The following LRRFIP2 variants were observed in gnomAD, a reference collection of about 807,000 sequenced individuals.
LRRFIP2 encodes LRR binding FLII interacting protein 2, also known as leucine-rich repeat flightless-interacting protein 2.
LRRFIP2 carries 109 observed loss-of-function variants against 125.9 expected under a neutral mutation model. The observed-to-expected ratio is 0.87, with a 90% confidence interval of 0.74 to 1.01. The LOEUF (loss-of-function observed/expected upper bound fraction) is 1.01, where lower values mean the gene tolerates loss of function less well. LRRFIP2 is among the 50% of genes least tolerant of loss of function. The pLI is 0.00. For missense variants in LRRFIP2, 850 were observed against 862.3 expected, an observed-to-expected ratio of 0.99 and a Z score of 0.18; for synonymous variants, 291 against 293.1, an observed-to-expected ratio of 0.99 and a Z score of 0.07.
intron 15 of LRRFIP2, among the ~76,000 whole-genome samples, chr3:37,100,091 GA>G (rs2093939495): frequency 6.6e-6 from 1 of 152,102 alleles, no homozygotes; most frequent in Admixed American, 6.5e-5. Context: ...TACTACTAGA[GA>G]AAGTTATTTG....
At chr3:37,092,004 A>G (rs1559800078) in intron 17 of LRRFIP2, among the ~76,000 whole-genome samples, 1 of 152,254 alleles carries the variant, frequency 6.6e-6, no homozygotes, top group Non-Finnish European at 1.5e-5. Context: ...TAATAAATGA[A>G]TATGAACAAA....
intron 2 of LRRFIP2, among the ~76,000 whole-genome samples, chr3:37,137,557 C>T (rs1297257726): frequency 6.6e-6 from 1 of 152,132 alleles, no homozygotes; most frequent in African/African-American, 2.4e-5. Flanking sequence ...TTCTAGTTCT[C>T]TGAATAGAGA....
intron 24 of LRRFIP2, among the ~76,000 whole-genome samples, chr3:37,063,274 G>C (rs2089270090): frequency 6.6e-6 from 1 of 152,184 alleles, no homozygotes; most frequent in East Asian, 1.9e-4. Context: ...TTATTAGGAG[G>C]ATATAAGAGT....
chr3:37,068,388 C>T (rs2090540644), intron 21 of LRRFIP2: 1 of 152,184 alleles, frequency 6.6e-6, no homozygotes, highest in Admixed American at 6.5e-5. Flanking sequence ...ATGACATTTG[C>T]TCTTCTTCCA....
chr3:37,159,249 C>T (rs369159736), intron 1 of LRRFIP2, among the ~76,000 whole-genome samples: 2 of 152,192 alleles, frequency 1.3e-5, no homozygotes, highest in East Asian at 3.8e-4. Context: ...ACCATTGTTT[C>T]TCCCACTGAA....
chr3:37,158,716 AAAGT>A (rs2096262606), intron 1 of LRRFIP2, among the ~76,000 whole-genome samples: 1 of 152,148 alleles, frequency 6.6e-6, no homozygotes, highest in Non-Finnish European at 1.5e-5. Flanking sequence ...GATGAAACAA[AAAGT>A]AAGGGAAATG....
intron 1 of LRRFIP2, among the ~76,000 whole-genome samples, chr3:37,163,922 A>T (rs2096410448): frequency 6.6e-6 from 1 of 152,240 alleles, no homozygotes; most frequent in African/African-American, 2.4e-5. Context: ...TTCTTGACCT[A>T]GGTAGTGAGA....
chr3:37,122,131 T>C (rs1270255402), intron 4 of LRRFIP2, among the ~76,000 whole-genome samples: 19 of 139,194 alleles, frequency 1.4e-4, no homozygotes, highest in Admixed American at 1.0e-3. Flanking sequence ...AGTGTTCTCA[T>C]TGTTCAATTC....
intron 3 of LRRFIP2, among the ~76,000 whole-genome samples, chr3:37,128,680 T>C (rs2095350013): frequency 6.6e-6 from 1 of 152,192 alleles, no homozygotes; most frequent in African/African-American, 2.4e-5. Context: ...TTATTAAATA[T>C]GTTTTAAAAT....
At position 37,121,661 on chromosome 3, in the gene LRRFIP2, G is replaced by C; in HGVS notation, c.259C>G (p.Arg87Gly). ...AGATAAGGACGATGGTGACTGGACCGGTGGGAATACCTGGCCCTTTCCGAA... is the reference window on the plus strand; with the variant it reads ...AGATAAGGACGATGGTGACTGGACCCGTGGGAATACCTGGCCCTTTCCGAA... Reference protein sequence around the residue: ...EDSERARYSHRSSHHRPYLGV... With the variant: ...EDSERARYSHGSSHHRPYLGV... Residue 87 changes from arginine (R) to glycine (G), a missense_variant, in exon 5 of 28, where the codon CGG (arginine) becomes GGG (glycine). By Grantham distance (125) the Arg-to-Gly change is moderately radical. Transcript: ENST00000336686. 6.2e-7 allele frequency: 1 copy of C among 1,614,140 alleles called. No individual in the cohort carries two copies. Among genetic ancestry groups the C allele is most frequent in the Non-Finnish European group, 8.5e-7 (1 of 1,180,012 alleles).
intron 1 of LRRFIP2, chr3:37,170,617 T>C (rs1187716782): frequency 6.6e-6 from 1 of 152,222 alleles, no homozygotes; most frequent in Non-Finnish European, 1.5e-5. Flanking sequence ...GTCTCTGAAT[T>C]GGACTGCTAT....
intron 25 of LRRFIP2, among the ~76,000 whole-genome samples, chr3:37,058,253 T>A (rs1327533308): frequency 6.6e-6 from 1 of 152,182 alleles, no homozygotes; most frequent in East Asian, 1.9e-4. Context: ...GTAAGAGCAA[T>A]AAACCTCATT....
chr3:37,066,070 G>T, intron 22 of LRRFIP2, 128 bp from the exon 23 acceptor site: 1 of 1,367,028 alleles, frequency 7.3e-7, no homozygotes, highest in South Asian at 1.2e-5. Flanking sequence ...ATGAAATATA[G>T]CTCTGTGTAA....
In LRRFIP2 at chr3:37,166,065, C is replaced by T. The variant is rs564807271; in HGVS notation, c.-56+8474G>A. The stretch of plus-strand genomic sequence containing the variant: ...AAAATTAAAAACTCTGGGCAGGGCG[C>T]GGTGGCTCACATCTGGAATCCCAGC... On this transcript the variant is annotated intron_variant, in intron 1 of 27. Coordinates refer to ENST00000336686, the MANE Select transcript of LRRFIP2 (RefSeq NM_006309.4). Among the ~76,000 whole-genome samples, 192 of 152,166 alleles carry T rather than the reference C, an allele frequency of 1.3e-3. 1 individual carries two copies. Among genetic ancestry groups the T allele is most frequent in the Middle Eastern group, 6.8e-3 (2 of 294 alleles).
At chr3:37,152,752 A>T (rs974671675) in intron 1 of LRRFIP2, among the ~76,000 whole-genome samples, 21 of 152,090 alleles carry the variant, frequency 1.4e-4, no homozygotes, top group African/African-American at 4.3e-4. Context: ...TGAAATTTTT[A>T]AAAAAATGGT....
chr3:37,080,951 T>G (rs768727062), intron 19 of LRRFIP2, among the ~76,000 whole-genome samples: 1 of 152,206 alleles, frequency 6.6e-6, no homozygotes, highest in Non-Finnish European at 1.5e-5. Flanking sequence ...TTATTGTTAA[T>G]TTTACAGGTG....
At chr3:37,119,747 G>A (rs1349645741) in intron 6 of LRRFIP2, among the ~76,000 whole-genome samples, 2 of 151,980 alleles carry the variant, frequency 1.3e-5, no homozygotes, top group East Asian at 3.9e-4. Context: ...TGCAACCTCC[G>A]CCCACGGATC....
In LRRFIP2 at chr3:37,055,149, T is replaced by A. The variant is rs1418259122; in HGVS notation, c.1887A>T (p.Gln629His). Residue 629 changes from glutamine to histidine, a missense_variant, in exon 26 of 28, where the codon CAA (glutamine) becomes CAT (histidine). Physicochemically the swap from Gln to His is conservative, Grantham distance 24. Coordinates refer to ENST00000336686, the MANE Select transcript of LRRFIP2 (RefSeq NM_006309.4). ...AAAGCTTAAATTTGTATTCGCTAAT[T>A]TGTCTATTGGCATCTCCTAGAACAG... ...FIEMQRDANR[Q>H]ISEYKFKLSK... The A allele has an allele frequency of 2.5e-6, 4 of 1,593,548 alleles. No homozygotes were observed. The highest frequency in any genetic ancestry group is 3.4e-6 in the Non-Finnish European group (4 of 1,172,858).
At chr3:37,175,566 C>T (rs1428559919), upstream of LRRFIP2, among the ~76,000 whole-genome samples, 1 of 152,152 alleles carries the variant, frequency 6.6e-6, no homozygotes, top group East Asian at 1.9e-4. Context: ...TCAATAACGC[C>T]TCGTATTAGT....
Sources: allele counts gnomAD v4.1 joint callset (sites outside exome capture counted in the v4.1 genomes callset), GRCh38; gene constraint gnomAD v4.1.1; transcripts MANE v1.5; gene names NCBI Gene and HGNC (gene_info 2026-07-23, HGNC 2026-07-21).